The following PSD3 variants were observed in gnomAD, a reference collection of about 807,000 sequenced individuals.
PSD3 encodes pleckstrin and Sec7 domain containing 3.
In PSD3, 49 loss-of-function variants were observed where a neutral mutation model predicts 105.5. That is an observed-to-expected ratio of 0.46 (90% CI 0.37 to 0.59). The LOEUF is 0.59. PSD3 is among the 20% of genes least tolerant of loss of function. The probability of loss-of-function intolerance (pLI) is 0.00; values close to 1 mark genes in which losing one functional copy is unlikely to be tolerated. For missense variants in PSD3, 1,561 were observed against 1,263.8 expected, an observed-to-expected ratio of 1.24 and a Z score of -3.57; for synonymous variants, 557 against 457.8, an observed-to-expected ratio of 1.22 and a Z score of -2.77.
At chr8:18,560,430 G>A (rs1258996854) in intron 14 of PSD3, among the ~76,000 whole-genome samples, 1 of 151,874 alleles carries the variant, frequency 6.6e-6, no homozygotes, top group African/African-American at 2.4e-5. Context: ...GTTTTTAGAA[G>A]ACAATACTAG....
intron 1 of PSD3, among the ~76,000 whole-genome samples, chr8:19,054,333 G>A (rs1024594060): frequency 2.6e-5 from 4 of 152,308 alleles, no homozygotes; most frequent in South Asian, 2.1e-4. Context: ...ATCTGTGAGA[G>A]TATCCCGTGT....
chr8:18,792,860 T>G (rs1012710535), intron 8 of PSD3, among the ~76,000 whole-genome samples: 3 of 152,206 alleles, frequency 2.0e-5, no homozygotes, highest in Non-Finnish European at 2.9e-5. Context: ...CATGCTGCTA[T>G]AAAGACACAT....
chr8:18,595,044 A>C (rs80022222), intron 12 of PSD3, among the ~76,000 whole-genome samples: 5,340 of 147,936 alleles, frequency 0.036, 294 homozygotes, highest in East Asian at 0.22. Flanking sequence ...TAGAAATTTT[A>C]AAAAAAGTAT....
rs1427722035 is a variant in PSD3, at chr8:18,867,734, A to C, written c.1574T>G (p.Leu525Arg). The C allele has an allele frequency of 1.2e-6, 2 of 1,610,834 alleles. No individual in the cohort carries two copies. The highest frequency in any genetic ancestry group is 4.5e-5 in the East Asian group (2 of 44,692). Residue 525 changes from leucine to arginine, a missense_variant, in exon 4 of 16, where the codon CTG (leucine) becomes CGG (arginine). By Grantham distance (102) the Leu-to-Arg change is moderately radical. Coordinates refer to ENST00000327040, the MANE Select transcript of PSD3 (RefSeq NM_015310.4). ...MGYSSGVTNGLNDASDSIYTK... is the reference protein window; with the variant it reads ...MGYSSGVTNGRNDASDSIYTK... ...GTAGATGGAGTCGCTGGCATCATTC[A>C]GCCCATTGGTGACGCCACTAGAATA...
At chr8:18,802,395 TCTA>T (rs751309032) in intron 6 of PSD3, 5 of 418,934 alleles carry the variant, frequency 1.2e-5, no homozygotes, top group South Asian at 7.0e-5. Flanking sequence ...ATTCAAAATG[TCTA>T]AGAAATCTTA....
chr8:18,635,529 A>G (rs1402681411), intron 10 of PSD3, among the ~76,000 whole-genome samples: 1 of 152,150 alleles, frequency 6.6e-6, no homozygotes, highest in Non-Finnish European at 1.5e-5. Flanking sequence ...ACTTCTATTT[A>G]TTAAAAAAAA....
In PSD3 at chr8:18,924,332, C is replaced by T. The variant is rs10096456; in HGVS notation, c.130+11702G>A. Among the ~76,000 whole-genome samples, 1,303 of 152,286 alleles carry T rather than the reference C, an allele frequency of 8.6e-3. 15 individuals carry two copies. The highest frequency in any genetic ancestry group is 0.03 in the African/African-American group (1,256 of 41,558). ...GCCAAGGAATAGTGAGCAAGTCTAA[C>T]ACATACTTGTTATTATACTGTAAAA... On this transcript the variant is annotated intron_variant, in intron 2 of 15. Coordinates refer to ENST00000327040, the MANE Select transcript of PSD3 (RefSeq NM_015310.4).
chr8:18,743,867 A>T (rs1804770064), intron 9 of PSD3, among the ~76,000 whole-genome samples: 1 of 151,030 alleles, frequency 6.6e-6, no homozygotes, highest in African/African-American at 2.4e-5. Context: ...AGGTGGGAGG[A>T]TCCCTTGAGC....
At position 18,735,971 on chromosome 8, in the gene PSD3, TA is replaced by T. The variant is rs1395026078; in HGVS notation, c.2172+29477del. Among the ~76,000 whole-genome samples, 14 of 152,314 alleles carry T rather than the reference TA, an allele frequency of 9.2e-5. No homozygotes were observed. In the South Asian group the frequency reaches 2.9e-3, roughly 32 times the overall value. ...CAATTGATTTTTATGGATCTAACTA[TA>T]AATCTAACTAGATATATCTAACTAC... On this transcript the variant is annotated intron_variant, in intron 9 of 15. Coordinates refer to ENST00000327040, the MANE Select transcript of PSD3 (RefSeq NM_015310.4).
intron 1 of PSD3, among the ~76,000 whole-genome samples, chr8:19,064,945 A>G (rs916008134): frequency 5.3e-5 from 8 of 152,202 alleles, no homozygotes; most frequent in African/African-American, 1.9e-4. Context: ...CTAGGTCCCA[A>G]CAGAACAGAC....
At chr8:18,584,490 T>C (rs998904351) in intron 12 of PSD3, among the ~76,000 whole-genome samples, 6 of 152,258 alleles carry the variant, frequency 3.9e-5, no homozygotes, top group Admixed American at 6.5e-5. Context: ...TAATCAACTT[T>C]AGAACGCCAG....
intron 1 of PSD3, among the ~76,000 whole-genome samples, chr8:18,964,686 A>G (rs573564317): frequency 3.3e-5 from 5 of 152,070 alleles, no homozygotes; most frequent in African/African-American, 1.2e-4. Context: ...CGAACTGCCT[A>G]ATTTTCCCCA....
chr8:18,589,339 T>G (rs1803429663), intron 12 of PSD3, among the ~76,000 whole-genome samples: 1 of 152,138 alleles, frequency 6.6e-6, no homozygotes, highest in Non-Finnish European at 1.5e-5. Context: ...CAAAGTAATG[T>G]GAGAATTTTA....
intron 1 of PSD3, among the ~76,000 whole-genome samples, chr8:18,949,042 G>A (rs945298630): frequency 6.7e-6 from 1 of 150,146 alleles, no homozygotes; most frequent in Non-Finnish European, 1.5e-5. Flanking sequence ...TATACACGGT[G>A]AAACCCCGTC....
At chr8:18,895,217 CAA>C (rs1314101454) in intron 2 of PSD3, among the ~76,000 whole-genome samples, 3 of 152,340 alleles carry the variant, frequency 2.0e-5, no homozygotes, top group Non-Finnish European at 2.9e-5. Context: ...CAGAATACAG[CAA>C]AGAGTCAACA....
At chr8:18,959,301 A>T (rs568528263) in intron 1 of PSD3, among the ~76,000 whole-genome samples, 24 of 152,048 alleles carry the variant, frequency 1.6e-4, no homozygotes, top group Non-Finnish European at 2.1e-4. Context: ...TTTCATATCC[A>T]TCTCCCTTCC....
At chr8:19,019,542 C>T (rs1827293549) in intron 1 of PSD3, among the ~76,000 whole-genome samples, 1 of 152,094 alleles carries the variant, frequency 6.6e-6, no homozygotes, top group Admixed American at 6.5e-5. Context: ...GCATACAAAC[C>T]ACTGATATAT....
At chr8:18,635,741 G>A (rs1807201626) in intron 10 of PSD3, among the ~76,000 whole-genome samples, 1 of 152,086 alleles carries the variant, frequency 6.6e-6, no homozygotes, top group Non-Finnish European at 1.5e-5. Context: ...GCAGGGACAT[G>A]GATGAAGCTG....
At chr8:18,855,382 G>T (rs904436374) in intron 4 of PSD3, among the ~76,000 whole-genome samples, 1 of 152,142 alleles carries the variant, frequency 6.6e-6, no homozygotes, top group Non-Finnish European at 1.5e-5. Flanking sequence ...ACATCGCCAT[G>T]CTGTTTGACA....
Sources: allele counts gnomAD v4.1 joint callset (sites outside exome capture counted in the v4.1 genomes callset), GRCh38; gene constraint gnomAD v4.1.1; transcripts MANE v1.5; gene names NCBI Gene and HGNC (gene_info 2026-07-23, HGNC 2026-07-21).